DMD: variants seen among roughly 807,000 people sequenced by gnomAD.
DMD encodes the protein dystrophin.
A neutral mutation model predicts 330.1 loss-of-function variants in DMD; 63 were observed. The observed-to-expected ratio is 0.19, with a 90% CI of 0.16 to 0.24. The LOEUF is 0.24. Among genes scored for constraint, DMD ranks in the 10% least tolerant of loss-of-function variants. The probability of loss-of-function intolerance (pLI) is 1.00; values close to 1 mark genes in which losing one functional copy is unlikely to be tolerated. For missense variants in DMD, 3,344 were observed against 2,684.1 expected (o/e 1.25, Z -5.43); for synonymous variants, 1,223 against 959.8 (o/e 1.27, Z -5.07).
chrX:32,832,471 C>G (rs747585874), intron 4 of DMD, among the ~76,000 whole-genome samples: 20 of 110,186 alleles, frequency 1.8e-4, no homozygotes, highest in Non-Finnish European at 3.2e-4. Flanking sequence ...ATATATAAAC[C>G]GAGAAGTTCC....
intron 7 of DMD, among the ~76,000 whole-genome samples, chrX:32,715,578 A>C (rs1271281207): frequency 9.2e-6 from 1 of 108,531 alleles, no homozygotes; most frequent in Non-Finnish European, 1.9e-5. Context: ...GCAGATACGC[A>C]GATCACCTGA....
intron 1 of DMD, among the ~76,000 whole-genome samples, chrX:33,209,186 G>C (rs1325247543): frequency 1.8e-5 from 2 of 110,832 alleles, no homozygotes; most frequent in Non-Finnish European, 3.8e-5. Flanking sequence ...TTAAAGTTTA[G>C]AGTAACATCT....
chrX:31,418,007 T>A (rs1197376022), intron 60 of DMD, among the ~76,000 whole-genome samples: 3 of 107,254 alleles, frequency 2.8e-5, no homozygotes, highest in African/African-American at 1.0e-4. Flanking sequence ...ACTCTGCATG[T>A]TTCTGCAGAG....
At chrX:31,976,720 A>G (rs950154732) in intron 44 of DMD, among the ~76,000 whole-genome samples, 1 of 111,609 alleles carries the variant, frequency 9.0e-6, no homozygotes, top group African/African-American at 3.3e-5. Context: ...ATTTCAAAAT[A>G]TGTTTTGAGA....
chrX:33,197,460 T>G (rs1249015944), intron 1 of DMD, among the ~76,000 whole-genome samples: 5 of 110,442 alleles, frequency 4.5e-5, no homozygotes, highest in Non-Finnish European at 9.5e-5. Flanking sequence ...GTGTGTGTGT[T>G]TGTGTGTGAA....
intron 55 of DMD, among the ~76,000 whole-genome samples, chrX:31,574,463 T>C (rs1210417280): frequency 9.0e-6 from 1 of 111,318 alleles, no homozygotes; most frequent in Non-Finnish European, 1.9e-5. Context: ...ATCTTTAAGT[T>C]AAACATAGAA....
chrX:31,296,119 T>C (rs1364261415), intron 62 of DMD, among the ~76,000 whole-genome samples: 2 of 110,760 alleles, frequency 1.8e-5, no homozygotes, highest in Admixed American at 9.6e-5. Context: ...GTGTTAAACA[T>C]TGAACATGGA....
intron 51 of DMD, among the ~76,000 whole-genome samples, chrX:31,765,606 A>G (rs1042490957): frequency 1.8e-5 from 2 of 112,168 alleles, no homozygotes; most frequent in East Asian, 5.5e-4. Flanking sequence ...GTAGTATTTA[A>G]TTACAGACTA....
chrX:31,641,571 C>G (rs1373648165), intron 54 of DMD, among the ~76,000 whole-genome samples: 2 of 106,052 alleles, frequency 1.9e-5, no homozygotes, highest in African/African-American at 6.9e-5. Flanking sequence ...GGGGAAATGA[C>G]AGAAATAACA....
chrX:32,365,071 A>C lies in DMD; in HGVS notation c.4974T>G (p.Ser1658Arg). 8.3e-7 allele frequency: 1 copy of C among 1,210,985 alleles called. No homozygotes were observed. The highest frequency in any genetic ancestry group is 1.1e-6 in the Non-Finnish European group (1 of 895,223). ...LVEDKLSLLN[S>R]NWIAVTSRAE... ...CTCGGGAGGTGACAGCTATCCAGTT[A>C]CTATTCAGAAGACTGAGTTTATCTT... The change falls in exon 35 of 79, where the codon AGT becomes AGG. Residue 1658 changes from serine to arginine, a missense_variant. Transcript: ENST00000357033.
chrX:31,285,751 G>A (rs1350662905), intron 62 of DMD, among the ~76,000 whole-genome samples: 1 of 111,710 alleles, frequency 9.0e-6, no homozygotes, highest in Non-Finnish European at 1.9e-5. Context: ...CATGAGCCTA[G>A]TTATGTCAAA....
At chrX:31,689,360 T>C (rs1263175435) in intron 52 of DMD, among the ~76,000 whole-genome samples, 8 of 111,223 alleles carry the variant, frequency 7.2e-5, no homozygotes, top group African/African-American at 1.6e-4. Context: ...GAGTGAACTC[T>C]CATTCACAAT....
chrX:33,192,382 C>T (rs1327966224), intron 1 of DMD, among the ~76,000 whole-genome samples: 4 of 112,322 alleles, frequency 3.6e-5, no homozygotes, highest in African/African-American at 1.3e-4. Context: ...AATGAATGCT[C>T]TGCTCTCATG....
intron 11 of DMD, 58 bp downstream of exon 11, chrX:32,644,074 T>C: frequency 2.9e-6 from 3 of 1,028,346 alleles, no homozygotes; most frequent in Non-Finnish European, 2.7e-6. Context: ...CACATCAAAA[T>C]AATCACAAGC....
chrX:32,953,080 A>G (rs1262710700), intron 2 of DMD, among the ~76,000 whole-genome samples: 1 of 104,809 alleles, frequency 9.5e-6, no homozygotes, highest in Non-Finnish European at 1.9e-5. Context: ...GGTTGTAGTG[A>G]GCAGAGATCG....
intron 30 of DMD, among the ~76,000 whole-genome samples, chrX:32,408,272 G>A (rs1331604818): frequency 9.0e-6 from 1 of 111,647 alleles, no homozygotes; most frequent in East Asian, 2.8e-4. Flanking sequence ...ACTAAAATAA[G>A]TAACATAATT....
intron 2 of DMD, among the ~76,000 whole-genome samples, chrX:32,923,677 T>A (rs1027506257): frequency 1.2e-4 from 14 of 112,172 alleles, no homozygotes; most frequent in African/African-American, 3.9e-4. Flanking sequence ...CATAAAAAAA[T>A]GAAAAACTTT....
At chrX:32,825,166 T>C (rs1282909908) in intron 4 of DMD, among the ~76,000 whole-genome samples, 1 of 111,635 alleles carries the variant, frequency 9.0e-6, no homozygotes, top group African/African-American at 3.2e-5. Context: ...GCAGAGAATA[T>C]GCTATTTTTA....
intron 59 of DMD, among the ~76,000 whole-genome samples, chrX:31,475,670 C>A (rs2067687162): frequency 8.9e-6 from 1 of 111,916 alleles, no homozygotes; most frequent in Non-Finnish European, 1.9e-5. Context: ...CATTTCAAAA[C>A]CCTTAGTTTT....
Sources: gnomAD v4.1 joint callset for allele counts (sites outside exome capture counted in the v4.1 genomes callset) on GRCh38, gnomAD v4.1.1 for gene constraint, MANE v1.5 for transcripts, NCBI Gene and HGNC (gene_info 2026-07-23, HGNC 2026-07-21) for gene names.